The following PDE10A variants were observed in gnomAD, a reference collection of about 807,000 sequenced individuals.
PDE10A encodes the protein phosphodiesterase 10A, also known as cAMP and cAMP-inhibited cGMP 3',5'-cyclic phosphodiesterase 10A.
Under a neutral mutation model 97.7 loss-of-function variants are expected in PDE10A, and 39 were observed. The ratio of observed to expected loss-of-function variants is 0.40; its 90% CI spans 0.31 to 0.52. PDE10A has a LOEUF of 0.52. Among genes scored for constraint, PDE10A ranks in the 20% least tolerant of loss-of-function variants. The pLI, the probability that PDE10A is intolerant of heterozygous loss-of-function variation, is 0.56. For synonymous variants in PDE10A, 371 were observed against 376.8 expected (o/e 0.98, Z 0.18); for missense variants, 731 against 1,047.8 (o/e 0.70, Z 4.17).
At chr6:165,650,891 C>G (rs1223755143) in intron 1 of PDE10A, among the ~76,000 whole-genome samples, 1 of 152,142 alleles carries the variant, frequency 6.6e-6, no homozygotes, top group Non-Finnish European at 1.5e-5. Context: ...GTGTGTGCCA[C>G]CGCACCCAGC....
At chr6:165,923,286 T>C (rs1782809416) in intron 1 of PDE10A, among the ~76,000 whole-genome samples, 3 of 152,190 alleles carry the variant, frequency 2.0e-5, no homozygotes, top group Admixed American at 1.3e-4. Flanking sequence ...CCCTGGGAAA[T>C]AGACTTTCAA....
chr6:165,782,620 T>C (rs1778374134), intron 1 of PDE10A, among the ~76,000 whole-genome samples: 1 of 152,226 alleles, frequency 6.6e-6, no homozygotes, highest in Admixed American at 6.5e-5. Context: ...AACTTGGAAC[T>C]CTGTTAACAC....
chr6:165,414,720 A>C (rs1253453948), intron 12 of PDE10A, among the ~76,000 whole-genome samples: 1 of 152,218 alleles, frequency 6.6e-6, no homozygotes, highest in Non-Finnish European at 1.5e-5. Context: ...ACTGCACAGT[A>C]AGTGTATGTT....
At chr6:165,929,697 C>T (rs1783062368) in intron 1 of PDE10A, among the ~76,000 whole-genome samples, 1 of 152,242 alleles carries the variant, frequency 6.6e-6, no homozygotes, top group South Asian at 2.1e-4. Flanking sequence ...CTTCACTGTC[C>T]CTAGCAACAT....
chr6:165,533,524 C>G (rs1286527541), intron 2 of PDE10A, among the ~76,000 whole-genome samples: 1 of 152,116 alleles, frequency 6.6e-6, no homozygotes, highest in Non-Finnish European at 1.5e-5. Context: ...CACCTTCCTT[C>G]GTAGAGGTGG....
intron 1 of PDE10A, among the ~76,000 whole-genome samples, chr6:165,775,969 T>G (rs1778169813): frequency 6.6e-6 from 1 of 152,226 alleles, no homozygotes; most frequent in Non-Finnish European, 1.5e-5. Context: ...GAATAATAAA[T>G]TTAATCAGCT....
At chr6:165,446,744 C>T (rs553912927) in intron 5 of PDE10A, among the ~76,000 whole-genome samples, 2 of 152,160 alleles carry the variant, frequency 1.3e-5, no homozygotes, top group Non-Finnish European at 1.5e-5. Context: ...TCAGAGACAG[C>T]TACAATTTTG....
At chr6:165,622,116 C>T (rs1004585318) in intron 1 of PDE10A, among the ~76,000 whole-genome samples, 2 of 152,114 alleles carry the variant, frequency 1.3e-5, no homozygotes, top group Admixed American at 1.3e-4. Context: ...GAAACACTGG[C>T]TGAGGTTCCA....
chr6:165,921,153 A>T (rs1782742061), intron 1 of PDE10A, among the ~76,000 whole-genome samples: 5 of 152,224 alleles, frequency 3.3e-5, no homozygotes, highest in African/African-American at 2.4e-5. Flanking sequence ...AGTGCCAGCC[A>T]TACCTCTGAC....
intron 2 of PDE10A, among the ~76,000 whole-genome samples, chr6:165,510,863 G>C (rs373007460): frequency 6.6e-6 from 1 of 151,896 alleles, no homozygotes; most frequent in East Asian, 1.9e-4. Flanking sequence ...TGTGGTATCA[G>C]TTGGTTGTAA....
chr6:165,433,888 G>T, intron 6 of PDE10A, among the ~76,000 whole-genome samples: 1 of 151,634 alleles, frequency 6.6e-6, no homozygotes, highest in East Asian at 1.9e-4. Flanking sequence ...GCGGTGGCAG[G>T]CGCCTGTAGT....
chr6:165,467,757 T>C (rs976240527), intron 3 of PDE10A, among the ~76,000 whole-genome samples: 5 of 152,208 alleles, frequency 3.3e-5, no homozygotes, highest in South Asian at 2.1e-4. Context: ...ATTTAGAATA[T>C]TCTATAAACT....
intron 1 of PDE10A, among the ~76,000 whole-genome samples, chr6:165,732,157 G>A (rs1484759082): frequency 2.6e-5 from 4 of 152,182 alleles, no homozygotes. Context: ...ATTTAAAGCT[G>A]GCTTTCTTAC....
At chr6:165,887,039 A>G (rs1321431712) in intron 1 of PDE10A, among the ~76,000 whole-genome samples, 1 of 152,258 alleles carries the variant, frequency 6.6e-6, no homozygotes, top group Non-Finnish European at 1.5e-5. Flanking sequence ...TGAGCAAGAT[A>G]CTGAAATCAT....
At chr6:165,620,030 A>G (rs1788049478) in intron 1 of PDE10A, among the ~76,000 whole-genome samples, 1 of 152,290 alleles carries the variant, frequency 6.6e-6, no homozygotes, top group Non-Finnish European at 1.5e-5. Flanking sequence ...AGATTTCTAC[A>G]GAGAAGACTG....
chr6:165,416,959 T>C (rs1488491527), intron 11 of PDE10A, among the ~76,000 whole-genome samples: 2 of 152,236 alleles, frequency 1.3e-5, no homozygotes, highest in Admixed American at 6.5e-5. Context: ...TTCATACTTA[T>C]ATTTTTCTCA....
At chr6:165,803,968 T>C (rs1199782426) in intron 1 of PDE10A, among the ~76,000 whole-genome samples, 1 of 152,238 alleles carries the variant, frequency 6.6e-6, no homozygotes, top group Non-Finnish European at 1.5e-5. Context: ...CATCTGAATC[T>C]GCCTGCCATG....
intron 2 of PDE10A, among the ~76,000 whole-genome samples, chr6:165,527,450 C>A (rs1162186327): frequency 1.3e-5 from 2 of 152,128 alleles, no homozygotes; most frequent in African/African-American, 4.8e-5. Context: ...TTTGGCAGGT[C>A]CCCATAGGTG....
intron 1 of PDE10A, among the ~76,000 whole-genome samples, chr6:165,617,005 A>G (rs978092054): frequency 6.6e-6 from 1 of 152,230 alleles, no homozygotes; most frequent in Admixed American, 6.5e-5. Flanking sequence ...GCTATGGGAA[A>G]ACCTTTGAGA....
Sources: gnomAD v4.1 joint callset for allele counts (sites outside exome capture counted in the v4.1 genomes callset) on GRCh38, gnomAD v4.1.1 for gene constraint, MANE v1.5 for transcripts, NCBI Gene and HGNC (gene_info 2026-07-23, HGNC 2026-07-21) for gene names.